The following TJP1 variants were observed in gnomAD, a reference collection of about 807,000 sequenced individuals.
TJP1 encodes the protein tight junction protein ZO-1.
A neutral mutation model predicts 194.2 loss-of-function variants in TJP1; 43 were observed. That is an observed-to-expected ratio of 0.22 (90% confidence interval 0.17 to 0.29). TJP1 has a LOEUF of 0.29. Ranked by LOEUF, TJP1 falls within the 10% of genes least tolerant of loss-of-function variation. The pLI, the probability that TJP1 is intolerant of heterozygous loss-of-function variation, is 1.00. For synonymous variants in TJP1, 801 were observed against 779.0 expected (o/e 1.03, Z -0.47); for missense variants, 1,971 against 2,185.7 (o/e 0.90, Z 1.96).
At chr15:29,909,169 AAAG>A (rs1303911435) in intron 2 of TJP1, among the ~76,000 whole-genome samples, 5 of 147,634 alleles carry the variant, frequency 3.4e-5, no homozygotes, top group Admixed American at 6.7e-5. Flanking sequence ...AAAAAAAAAA[AAAG>A]AAAAGAAAAA....
intron 1 of TJP1, among the ~76,000 whole-genome samples, chr15:29,811,323 C>A (rs1181773384): frequency 1.3e-5 from 2 of 151,146 alleles, no homozygotes; most frequent in African/African-American, 4.9e-5. Flanking sequence ...ACTAATCAAA[C>A]CTGGATTTTG....
chr15:29,949,849 C>CACCTCT (rs1284740549), intron 2 of TJP1, among the ~76,000 whole-genome samples: 16 of 87,090 alleles, frequency 1.8e-4, no homozygotes, highest in Non-Finnish European at 2.7e-4. Flanking sequence ...CCACAACCAC[C>CACCTCT]ACCTCCACAA....
At chr15:29,717,447 A>G in intron 22 of TJP1, among the ~76,000 whole-genome samples, 1 of 152,256 alleles carries the variant, frequency 6.6e-6, no homozygotes, top group East Asian at 1.9e-4. Flanking sequence ...ACTTATTGGC[A>G]GTGCAATGAG....
chr15:29,737,833 T>A (rs961731443), intron 10 of TJP1, among the ~76,000 whole-genome samples: 1 of 152,188 alleles, frequency 6.6e-6, no homozygotes, highest in African/African-American at 2.4e-5. Flanking sequence ...ATAAATTGGC[T>A]AATTTTCCTA....
At chr15:29,902,564 T>C (rs1296582163) in intron 2 of TJP1, among the ~76,000 whole-genome samples, 1 of 152,232 alleles carries the variant, frequency 6.6e-6, no homozygotes, top group Non-Finnish European at 1.5e-5. Flanking sequence ...TTTTTTGTCA[T>C]GAACCTGTTC....
chr15:29,802,647 A>C (rs1328144741), intron 1 of TJP1, among the ~76,000 whole-genome samples: 1 of 152,130 alleles, frequency 6.6e-6, no homozygotes, highest in Non-Finnish European at 1.5e-5. Context: ...AAGCAACAAT[A>C]GTATGAGTAA....
intron 2 of TJP1, among the ~76,000 whole-genome samples, chr15:29,778,006 C>T (rs972238603): frequency 2.0e-5 from 3 of 151,672 alleles, no homozygotes; most frequent in African/African-American, 7.3e-5. Context: ...TTTTATTTTC[C>T]TCTTTTATTT....
At position 29,810,168 on chromosome 15, in the gene TJP1, T is replaced by G. The variant is rs1283912670; in HGVS notation, c.28-9466A>C. On this transcript the variant is annotated intron_variant, in intron 1 of 27. Transcript: ENST00000614355. ...GGGATGTTCACTATGTACTAACAGA[T>G]GAAAAGATATCTGGCATTTGCTTCA... Among the ~76,000 whole-genome samples, 3 of 152,120 alleles carry G rather than the reference T, an allele frequency of 2.0e-5. No homozygotes were observed. In the South Asian group the frequency reaches 6.2e-4, roughly 32 times the overall value.
chr15:29,968,331 C>T, intron 1 of TJP1: 1 of 985,398 alleles, frequency 1.0e-6, no homozygotes, highest in Non-Finnish European at 1.2e-6. Context: ...CAGAACCCGC[C>T]GTAATGGAGC....
chr15:29,778,041 A>T lies in TJP1; in HGVS notation c.85-4684T>A, dbSNP rs78877002. On this transcript the variant is annotated intron_variant, in intron 2 of 27. Coordinates refer to ENST00000614355, the MANE Select transcript of TJP1 (RefSeq NM_001330239.4). The stretch of plus-strand genomic sequence containing the variant: ...TAAAAGTTAAAAACATAAAAAGATT[A>T]AAAAAAACCAAAAACATTAGGAACT... Among the ~76,000 whole-genome samples, 813 of 152,162 alleles carry T rather than the reference A, an allele frequency of 5.3e-3. 16 individuals carry two copies. In the East Asian group the frequency reaches 0.076, roughly 14 times the overall value.
At chr15:29,759,392 A>G (rs1323205686) in intron 8 of TJP1, 1 of 152,222 alleles carries the variant, frequency 6.6e-6, no homozygotes, top group Non-Finnish European at 1.5e-5. Flanking sequence ...GGTGTACAAC[A>G]GTGATGTTTT....
intron 8 of TJP1, among the ~76,000 whole-genome samples, chr15:29,752,086 G>A (rs1042533640): frequency 1.2e-4 from 18 of 150,282 alleles, no homozygotes; most frequent in Non-Finnish European, 3.0e-5. Flanking sequence ...GCACCACCAC[G>A]CCCGGCTAAA....
chr15:29,784,914 T>C (rs1420369441), intron 2 of TJP1, among the ~76,000 whole-genome samples: 1 of 152,144 alleles, frequency 6.6e-6, no homozygotes, highest in Non-Finnish European at 1.5e-5. Context: ...AAAAAAAAAT[T>C]TTTACTGTTT....
chr15:29,790,708 T>C (rs2048017031), intron 2 of TJP1, among the ~76,000 whole-genome samples: 1 of 151,904 alleles, frequency 6.6e-6, no homozygotes, highest in South Asian at 2.1e-4. Flanking sequence ...TCCCGGTCTC[T>C]GGTAACCATC....
intron 1 of TJP1, chr15:29,821,421 A>G (rs2050335714): frequency 6.6e-6 from 1 of 152,218 alleles, no homozygotes; most frequent in Non-Finnish European, 1.5e-5. Context: ...GTTACCTTAA[A>G]TAAGTAATAC....
intron 5 of TJP1, among the ~76,000 whole-genome samples, chr15:29,764,432 G>T (rs1017046534): frequency 1.3e-5 from 2 of 152,136 alleles, no homozygotes; most frequent in African/African-American, 4.8e-5. Context: ...AATAAAGAAA[G>T]GGGCAAAAGA....
chr15:29,862,427 G>T (rs2052112779), intron 2 of TJP1, among the ~76,000 whole-genome samples: 1 of 151,878 alleles, frequency 6.6e-6, no homozygotes, highest in Non-Finnish European at 1.5e-5. Context: ...TTTAAGCTAA[G>T]ATTCACCAGG....
intron 2 of TJP1, among the ~76,000 whole-genome samples, chr15:29,844,563 G>A (rs1460220331): frequency 6.6e-6 from 1 of 152,172 alleles, no homozygotes; most frequent in Non-Finnish European, 1.5e-5. Flanking sequence ...AGATGCGAGG[G>A]TAGACTGGAT....
chr15:29,937,548 T>C (rs972251430), intron 2 of TJP1, among the ~76,000 whole-genome samples: 1 of 152,198 alleles, frequency 6.6e-6, no homozygotes, highest in African/African-American at 2.4e-5. Context: ...CCACACAGAA[T>C]ACTTAACAGC....
Sources: allele counts gnomAD v4.1 joint callset (sites outside exome capture counted in the v4.1 genomes callset), GRCh38; gene constraint gnomAD v4.1.1; transcripts MANE v1.5; gene names NCBI Gene and HGNC (gene_info 2026-07-23, HGNC 2026-07-21).